DOCK8: variants seen among roughly 807,000 people sequenced by gnomAD.
The protein encoded by DOCK8 is dedicator of cytokinesis 8.
Under a neutral mutation model 245.6 loss-of-function variants are expected in DOCK8, and 141 were observed. The ratio of observed to expected loss-of-function variants is 0.57; its 90% CI spans 0.50 to 0.66. DOCK8 has a LOEUF of 0.66. Among genes scored for constraint, DOCK8 ranks in the 30% least tolerant of loss-of-function variants. The pLI is 0.00. For synonymous variants in DOCK8, 1,168 were observed against 970.2 expected (o/e 1.20, Z -3.79); for missense variants, 2,965 against 2,603.4 (o/e 1.14, Z -3.02).
intron 8 of DOCK8, among the ~76,000 whole-genome samples, chr9:327,658 A>T (rs1009039948): frequency 6.6e-6 from 1 of 152,108 alleles, no homozygotes; most frequent in Non-Finnish European, 1.5e-5. Flanking sequence ...TGGCCTCCCA[A>T]AGTGCTGGGA....
chr9:223,186 C>A (rs1026670266), intron 1 of DOCK8, among the ~76,000 whole-genome samples: 3 of 152,074 alleles, frequency 2.0e-5, no homozygotes, highest in African/African-American at 4.8e-5. Flanking sequence ...GTGATAGAGA[C>A]CAAAAATACA....
chr9:363,213 G>A (rs1467362870), intron 14 of DOCK8, among the ~76,000 whole-genome samples: 1 of 152,094 alleles, frequency 6.6e-6, no homozygotes, highest in African/African-American at 2.4e-5. Context: ...TCCACATTTG[G>A]GGAAAGATAA....
Position 374,557 on chromosome 9 carries a change from G to C in DOCK8, c.2110-1653G>C, listed in dbSNP as rs2053443250. ...GCTCACTGTAATCTTGAACTCATAG[G>C]CTCAAGCAGTCGTCTCACCTCGGCC... is the stretch of plus-strand genomic sequence containing the variant. On this transcript the variant is annotated intron_variant, in intron 18 of 47. Transcript: ENST00000432829. Among the ~76,000 whole-genome samples the C allele has an allele frequency of 3.4e-5, 5 of 147,300 alleles. No homozygotes were observed. The South Asian group carries it at 1.1e-3, about 32-fold the overall frequency.
intron 28 of DOCK8, 40 bp downstream of exon 28, chr9:407,109 A>G (rs1161119067): frequency 1.1e-5 from 18 of 1,613,620 alleles, no homozygotes; most frequent in Non-Finnish European, 1.5e-5. Flanking sequence ...GAAGCCAAAA[A>G]AACAGATGTT....
chr9:306,241 T>C (rs1314498474), intron 5 of DOCK8, among the ~76,000 whole-genome samples: 1 of 152,126 alleles, frequency 6.6e-6, no homozygotes, highest in African/African-American at 2.4e-5. Context: ...TCAGACAAGG[T>C]GGTCCCCCTA....
At chr9:316,104 T>G (rs1329472862) in intron 6 of DOCK8, among the ~76,000 whole-genome samples, 1 of 152,148 alleles carries the variant, frequency 6.6e-6, no homozygotes, top group Non-Finnish European at 1.5e-5. Context: ...TCAAAGTGGG[T>G]ACATATTTAC....
intron 29 of DOCK8, among the ~76,000 whole-genome samples, chr9:417,600 G>C (rs1258314300): frequency 6.6e-6 from 1 of 151,946 alleles, no homozygotes; most frequent in Non-Finnish European, 1.5e-5. Flanking sequence ...TATAAATATG[G>C]GTATGTCTAT....
intron 27 of DOCK8, among the ~76,000 whole-genome samples, chr9:406,582 C>T (rs2055429504): frequency 6.6e-6 from 1 of 151,978 alleles, no homozygotes; most frequent in South Asian, 2.1e-4. Context: ...TGTTCCCAGC[C>T]CCAGGACTGG....
At chr9:359,891 TTGGC>T (rs1444671011) in intron 14 of DOCK8, among the ~76,000 whole-genome samples, 1 of 152,134 alleles carries the variant, frequency 6.6e-6, no homozygotes, top group African/African-American at 2.4e-5. Flanking sequence ...CCAAAATTGT[TTGGC>T]TGAAAGAGCT....
intron 1 of DOCK8, among the ~76,000 whole-genome samples, chr9:229,737 C>A (rs936963498): frequency 1.3e-5 from 2 of 152,024 alleles, no homozygotes; most frequent in African/African-American, 4.8e-5. Flanking sequence ...GAGAGACTAA[C>A]ATATCTGAAA....
In DOCK8 at chr9:420,469, C is replaced by A. The variant is rs2131638506; in HGVS notation, c.3909C>A (p.Ile1303=). The A allele has an allele frequency of 6.2e-7, 1 of 1,614,118 alleles. No individual in the cohort carries two copies. Among genetic ancestry groups the A allele is most frequent in the Middle Eastern group, 1.6e-4 (1 of 6,062 alleles). The change falls in exon 31 of 48, where the codon ATC becomes ATA. Residue 1303 remains isoleucine (I), a synonymous_variant. Coordinates refer to ENST00000432829, the MANE Select transcript of DOCK8 (RefSeq NM_203447.4). ...ACCTCATGATCTGCTTCCTCTGGAT[C>A]ATGAAAAATGCTGATCAGAGCCTCA... ...TRNLMICFLW[I]MKNADQSLIR...
chr9:217,911 G>C (rs557239582), intron 1 of DOCK8, among the ~76,000 whole-genome samples: 2 of 152,286 alleles, frequency 1.3e-5, no homozygotes, highest in African/African-American at 4.8e-5. Flanking sequence ...TCCAAAGACT[G>C]TGCTCTTAAT....
intron 4 of DOCK8, 27 bp from the exon 5 acceptor site, chr9:304,554 C>G: frequency 6.2e-7 from 1 of 1,613,778 alleles, no homozygotes; most frequent in African/African-American, 1.3e-5. Flanking sequence ...CTCTTTCTCT[C>G]TCCAAATTAA....
chr9:337,227 C>G (rs962362755), intron 12 of DOCK8, among the ~76,000 whole-genome samples: 1 of 152,168 alleles, frequency 6.6e-6, no homozygotes, highest in African/African-American at 2.4e-5. Flanking sequence ...ACATTCAAAC[C>G]ACAGCATTCA....
intron 1 of DOCK8, among the ~76,000 whole-genome samples, chr9:265,857 T>G (rs1161225209): frequency 1.3e-5 from 2 of 152,172 alleles, no homozygotes; most frequent in Non-Finnish European, 2.9e-5. Context: ...CCAGCCCTTC[T>G]GGTTTACATA....
At chr9:280,558 C>T (rs181668389) in intron 2 of DOCK8, among the ~76,000 whole-genome samples, 1 of 152,320 alleles carries the variant, frequency 6.6e-6, no homozygotes, top group African/African-American at 2.4e-5. Context: ...CAAGCTGAAG[C>T]CTGGAGTCTG....
At chr9:270,166 A>T (rs2048125765) in intron 1 of DOCK8, among the ~76,000 whole-genome samples, 1 of 152,190 alleles carries the variant, frequency 6.6e-6, no homozygotes, top group African/African-American at 2.4e-5. Context: ...GTTTTTCCTT[A>T]TACTTTTAAA....
intron 4 of DOCK8, among the ~76,000 whole-genome samples, chr9:304,048 T>G (rs1406165114): frequency 6.6e-6 from 1 of 152,236 alleles, no homozygotes; most frequent in Non-Finnish European, 1.5e-5. Flanking sequence ...CAGCTGTATA[T>G]TATTCAACAC....
At position 215,040 on chromosome 9, in the gene DOCK8, C is replaced by T. The variant is rs764626266; in HGVS notation, c.53+11C>T. 1.6e-4 allele frequency: 248 copies of T among 1,572,360 alleles called. No homozygotes were observed. Among genetic ancestry groups the T allele is most frequent in the Non-Finnish European group, 2.0e-4 (235 of 1,167,162 alleles). On this transcript the variant is annotated intron_variant, in intron 1 of 47. Coordinates refer to ENST00000432829, the MANE Select transcript of DOCK8 (RefSeq NM_203447.4). Reference sequence around the variant, plus strand: ...GCTCAAGATCAACAGGTAAGACGCCCCCCGCGGCGCGCAGGTTGCGGCCGG... The same window carrying T: ...GCTCAAGATCAACAGGTAAGACGCCTCCCGCGGCGCGCAGGTTGCGGCCGG...
Sources: allele counts gnomAD v4.1 joint callset (sites outside exome capture counted in the v4.1 genomes callset), GRCh38; gene constraint gnomAD v4.1.1; transcripts MANE v1.5; gene names NCBI Gene and HGNC (gene_info 2026-07-23, HGNC 2026-07-21).